Variants in BTG4 observed in about 807,000 individuals in gnomAD.
BTG4 encodes the protein protein BTG4.
A neutral mutation model predicts 19.3 loss-of-function variants in BTG4; 10 were observed. That is an observed-to-expected ratio of 0.52 (90% CI 0.32 to 0.88). The LOEUF is 0.88. Among genes scored for constraint, BTG4 ranks in the 40% least tolerant of loss-of-function variants. The pLI is 0.04. For missense variants in BTG4, 238 were observed against 281.9 expected, an observed-to-expected ratio of 0.84 and a Z score of 1.11; for synonymous variants, 91 against 95.7, an observed-to-expected ratio of 0.95 and a Z score of 0.29.
the BTG4 span, among the ~76,000 whole-genome samples, chr11:111,434,107 T>G: frequency 2.6e-5 from 4 of 152,238 alleles, no homozygotes; most frequent in African/African-American, 4.8e-5. Context: ...ACACGTATGT[T>G]TATTGTGTCA....
chr11:111,410,531 C>T, the BTG4 span, among the ~76,000 whole-genome samples: 1 of 152,142 alleles, frequency 6.6e-6, no homozygotes, highest in East Asian at 1.9e-4. Context: ...TAATTTGTTG[C>T]TGTCTCTCCA....
intron 5 of BTG4, among the ~76,000 whole-genome samples, chr11:111,487,431 T>A (rs1402289732): frequency 6.6e-6 from 1 of 152,132 alleles, no homozygotes; most frequent in African/African-American, 2.4e-5. Flanking sequence ...TTTAAAATAC[T>A]CAACAAATTG....
intron 5 of BTG4, among the ~76,000 whole-genome samples, chr11:111,488,028 C>G (rs187373384): frequency 7.2e-4 from 110 of 152,172 alleles, no homozygotes; most frequent in Non-Finnish European, 1.3e-3. Context: ...GTCCATGGTA[C>G]CCAAAGCAGT....
chr11:111,487,885 G>A (rs1163160864), intron 5 of BTG4, among the ~76,000 whole-genome samples: 2 of 151,902 alleles, frequency 1.3e-5, no homozygotes, highest in Admixed American at 6.6e-5. Context: ...AAATACCTAG[G>A]AATAAACTTA....
At chr11:111,432,710 C>A in the BTG4 span, among the ~76,000 whole-genome samples, 1 of 152,092 alleles carries the variant, frequency 6.6e-6, no homozygotes, top group Admixed American at 6.6e-5. Context: ...TTTTGTTCTG[C>A]CAGATAGAAG....
At chr11:111,468,182 A>C (rs536994335) in intron 5 of BTG4, among the ~76,000 whole-genome samples, 146 of 152,338 alleles carry the variant, frequency 9.6e-4, no homozygotes, top group African/African-American at 2.7e-3. Flanking sequence ...GGTTTAATAA[A>C]ACCAGAAACT....
the BTG4 span, among the ~76,000 whole-genome samples, chr11:111,418,617 G>A: frequency 6.6e-6 from 1 of 152,168 alleles, no homozygotes; most frequent in Non-Finnish European, 1.5e-5. Context: ...TTTCATAAAG[G>A]GGAAATAAGA....
At chr11:111,461,828 G>A in the BTG4 span, 2 of 152,702 alleles carry the variant, frequency 1.3e-5, no homozygotes, top group South Asian at 2.1e-4. Flanking sequence ...GGGGATCTAC[G>A]GCTGGACCAC....
the BTG4 span, among the ~76,000 whole-genome samples, chr11:111,423,067 G>T: frequency 3.3e-5 from 5 of 152,084 alleles, no homozygotes; most frequent in African/African-American, 1.2e-4. Flanking sequence ...TCCTGACCTG[G>T]CTGCTCCTCA....
the BTG4 span, chr11:111,456,468 C>T: frequency 1.3e-5 from 6 of 454,878 alleles, no homozygotes; most frequent in South Asian, 9.3e-5. This position sits in a 1 kb window ranked among gnomAD's most constrained non-coding sequence, Gnocchi z 4.2. Context: ...CCCTCTCCCA[C>T]CGGCCCCCAG....
At chr11:111,509,692 A>G (rs1441384009) in intron 1 of BTG4, among the ~76,000 whole-genome samples, 1 of 151,592 alleles carries the variant, frequency 6.6e-6, no homozygotes, top group Non-Finnish European at 1.5e-5. Flanking sequence ...GCAAAACTCC[A>G]TCTCAAAAAA....
At chr11:111,470,428 C>T (rs7946408) in intron 5 of BTG4, among the ~76,000 whole-genome samples, 2,944 of 152,242 alleles carry the variant, frequency 0.019, 92 homozygotes, top group African/African-American at 0.065. Flanking sequence ...ACAGTAGTTA[C>T]ATGACTGAGT....
At chr11:111,429,527 A>G in the BTG4 span, among the ~76,000 whole-genome samples, 32 of 152,360 alleles carry the variant, frequency 2.1e-4, no homozygotes, top group Non-Finnish European at 3.8e-4. Context: ...AGGCATAAAC[A>G]GGGGTTTATA....
chr11:111,426,076 G>A, the BTG4 span, among the ~76,000 whole-genome samples: 1 of 152,122 alleles, frequency 6.6e-6, no homozygotes, highest in Non-Finnish European at 1.5e-5. Context: ...CTAGTGCCTA[G>A]GTGATTTACA....
At chr11:111,475,351 T>C (rs914938148) in intron 5 of BTG4, 2 of 152,184 alleles carry the variant, frequency 1.3e-5, no homozygotes, top group African/African-American at 4.8e-5. Context: ...TCACGTATCT[T>C]ATTAAAATAT....
At chr11:111,461,824 C>A in the BTG4 span, 2 of 152,718 alleles carry the variant, frequency 1.3e-5, no homozygotes, top group Admixed American at 1.3e-4. Context: ...CTTTGGGGAT[C>A]TACGGCTGGA....
the BTG4 span, among the ~76,000 whole-genome samples, chr11:111,402,642 T>C: frequency 2.0e-5 from 3 of 152,208 alleles, no homozygotes; most frequent in African/African-American, 4.8e-5. Flanking sequence ...CAAGGGGATG[T>C]GCCTTCCAGA....
At chr11:111,407,439 G>A in the BTG4 span, among the ~76,000 whole-genome samples, 4 of 152,190 alleles carry the variant, frequency 2.6e-5, no homozygotes, top group African/African-American at 4.8e-5. Context: ...GGGAGGCCAA[G>A]GCAGGTGGAT....
At chr11:111,425,466 G>A in the BTG4 span, among the ~76,000 whole-genome samples, 1 of 152,190 alleles carries the variant, frequency 6.6e-6, no homozygotes, top group Non-Finnish European at 1.5e-5. Flanking sequence ...TTGGGGGTTA[G>A]CAATGGAGAG....
Sources: gnomAD v4.1 joint callset for allele counts (sites outside exome capture counted in the v4.1 genomes callset) on GRCh38, gnomAD v4.1.1 for gene constraint, Gnocchi (gnomAD v3.1) non-coding constraint, MANE v1.5 for transcripts, NCBI Gene and HGNC (gene_info 2026-07-23, HGNC 2026-07-21) for gene names.